Variants in NCKAP5 observed in about 807,000 individuals in gnomAD.
The protein encoded by NCKAP5 is nck-associated protein 5.
In NCKAP5, 92 loss-of-function variants were observed where a neutral mutation model predicts 167.0. The observed-to-expected ratio is 0.55, with a 90% confidence interval of 0.47 to 0.66. NCKAP5 has a LOEUF of 0.66. NCKAP5 is among the 30% of genes least tolerant of loss of function. The pLI, the probability that NCKAP5 is intolerant of heterozygous loss-of-function variation, is 0.00. For synonymous variants in NCKAP5, 891 were observed against 877.4 expected (o/e 1.02, Z -0.27); for missense variants, 2,378 against 2,315.0 (o/e 1.03, Z -0.56).
chr2:132,797,175 A>C (rs943309037), intron 11 of NCKAP5, among the ~76,000 whole-genome samples: 3 of 152,206 alleles, frequency 2.0e-5, no homozygotes, highest in African/African-American at 7.2e-5. Context: ...TCTAAACAGC[A>C]TTGATCTTGT....
In NCKAP5 at chr2:133,240,624, C is replaced by T. The variant is rs564630519; in HGVS notation, c.144-26845G>A. Among the ~76,000 whole-genome samples, 5 of 152,236 alleles carry T rather than the reference C, an allele frequency of 3.3e-5. No individual in the cohort carries two copies. The East Asian group carries it at 5.8e-4, about 18-fold the overall frequency. On this transcript the variant is annotated intron_variant, in intron 4 of 19. Transcript: ENST00000409261. The stretch of plus-strand genomic sequence containing the variant: ...TGAAATTTCAGCCTCCCATTGTGTA[C>T]GTATAACTTGGGTACTTCCACCACA...
chr2:133,293,014 C>T (rs1186594565), intron 4 of NCKAP5, among the ~76,000 whole-genome samples: 1 of 152,170 alleles, frequency 6.6e-6, no homozygotes, highest in Non-Finnish European at 1.5e-5. Context: ...TCCAATTCTG[C>T]TCCTAATCAA....
At chr2:133,455,419 C>A (rs1691787178) in intron 3 of NCKAP5, among the ~76,000 whole-genome samples, 1 of 152,014 alleles carries the variant, frequency 6.6e-6, no homozygotes, top group South Asian at 2.1e-4. Context: ...TTTATTATTA[C>A]TCTACCTTCG....
chr2:132,874,444 G>A (rs1691105552), intron 9 of NCKAP5, among the ~76,000 whole-genome samples: 1 of 152,114 alleles, frequency 6.6e-6, no homozygotes. Context: ...GGGCCCAGCT[G>A]TAGGATATGC....
chr2:132,741,512 T>C (rs1307387523), intron 16 of NCKAP5, among the ~76,000 whole-genome samples: 2 of 152,070 alleles, frequency 1.3e-5, no homozygotes, highest in African/African-American at 4.8e-5. Flanking sequence ...CTAGGTCCTG[T>C]TTTAAGAGTT....
intron 8 of NCKAP5, among the ~76,000 whole-genome samples, chr2:132,905,211 A>T (rs1693915498): frequency 6.6e-6 from 1 of 152,186 alleles, no homozygotes; most frequent in Non-Finnish European, 1.5e-5. Context: ...GAACATTTCC[A>T]GAATCAGTTT....
chr2:133,574,876 G>C, the NCKAP5 span, among the ~76,000 whole-genome samples: 2 of 152,264 alleles, frequency 1.3e-5, no homozygotes, highest in Admixed American at 1.3e-4. Context: ...AAAGTTGCCA[G>C]CTCAGGTGCA....
At chr2:133,024,413 A>C (rs892122563) in intron 6 of NCKAP5, among the ~76,000 whole-genome samples, 1 of 152,208 alleles carries the variant, frequency 6.6e-6, no homozygotes, top group Admixed American at 6.5e-5. Context: ...TGTAATACTC[A>C]TTATGCAATC....
chr2:133,523,541 T>C (rs1216905171), intron 2 of NCKAP5, among the ~76,000 whole-genome samples: 1 of 152,228 alleles, frequency 6.6e-6, no homozygotes, highest in Non-Finnish European at 1.5e-5. Context: ...TTTGAGTAGA[T>C]TCCTAACTTC....
chr2:132,716,431 G>T (rs1348543655), intron 19 of NCKAP5, among the ~76,000 whole-genome samples: 1 of 152,092 alleles, frequency 6.6e-6, no homozygotes, highest in Admixed American at 6.5e-5. Flanking sequence ...CAGCCCTGGC[G>T]GCCAAAGCCT....
chr2:133,430,147 T>G (rs191516861), intron 3 of NCKAP5, among the ~76,000 whole-genome samples: 133 of 152,248 alleles, frequency 8.7e-4, no homozygotes, highest in African/African-American at 3.1e-3. Context: ...TCATGTCCTT[T>G]GCTCTTCTTG....
At chr2:133,299,639 T>G (rs1680226865) in intron 4 of NCKAP5, among the ~76,000 whole-genome samples, 2 of 152,084 alleles carry the variant, frequency 1.3e-5, no homozygotes, top group South Asian at 4.1e-4. Context: ...TAATCCCAGC[T>G]ACACGGGAGG....
At chr2:132,732,740 A>T (rs1238414332) in intron 16 of NCKAP5, among the ~76,000 whole-genome samples, 1 of 152,210 alleles carries the variant, frequency 6.6e-6, no homozygotes, top group Non-Finnish European at 1.5e-5. Flanking sequence ...ACATAAATTG[A>T]AGTGACGTCC....
At chr2:132,806,861 G>C (rs1342228971) in intron 11 of NCKAP5, among the ~76,000 whole-genome samples, 1 of 152,096 alleles carries the variant, frequency 6.6e-6, no homozygotes, top group African/African-American at 2.4e-5. Context: ...ATGTCTAGAA[G>C]GGTTTTTCCA....
chr2:132,861,253 G>A (rs556700650), intron 10 of NCKAP5, among the ~76,000 whole-genome samples: 19 of 152,214 alleles, frequency 1.2e-4, no homozygotes, highest in African/African-American at 4.1e-4. Context: ...TCTGGCATCT[G>A]TTTGGAGCAG....
chr2:133,119,817 C>T (rs1464104104), intron 6 of NCKAP5, among the ~76,000 whole-genome samples: 1 of 151,610 alleles, frequency 6.6e-6, no homozygotes, highest in Non-Finnish European at 1.5e-5. Flanking sequence ...AAGCAAGTTA[C>T]CTCATTTTTT....
In NCKAP5 at chr2:132,731,883, G is replaced by A; in HGVS notation, c.5297C>T (p.Ala1766Val). The change falls in exon 17 of 20, where the codon GCC becomes GTC. Residue 1766 changes from alanine (A) to valine (V), a missense_variant. Ala to Val is a moderately conservative substitution (Grantham distance 64). Coordinates refer to ENST00000409261, the MANE Select transcript of NCKAP5 (RefSeq NM_207363.3). ...AGGCACTTCACGTTCAAGGGTTTGG[G>A]CTCTCATGGAAGAAACTGCAGAAAG... ...SALSAVSSMR[A>V]QTLEREVPSS... is the part of the protein sequence containing the mutation. 6.2e-7 allele frequency: 1 copy of A among 1,613,894 alleles called. No individual in the cohort carries two copies. Among genetic ancestry groups the A allele is most frequent in the Non-Finnish European group, 8.5e-7 (1 of 1,179,882 alleles).
intron 3 of NCKAP5, among the ~76,000 whole-genome samples, chr2:133,513,860 T>C (rs971781979): frequency 2.6e-5 from 4 of 152,194 alleles, no homozygotes; most frequent in Non-Finnish European, 4.4e-5. Flanking sequence ...AAAAAGAGAA[T>C]GTTTGTTACT....
Position 132,673,110 on chromosome 2 carries a change from G to A in NCKAP5, c.*179C>T, listed in dbSNP as rs1040655055. The A allele has an allele frequency of 5.9e-5, 76 of 1,296,114 alleles. No homozygotes were observed. Among genetic ancestry groups the A allele is most frequent in the Non-Finnish European group, 4.3e-5 (44 of 1,024,890 alleles). The allele number at this position is 1,296,114 out of a possible 1,614,324, so 80.3% of individuals were successfully genotyped here. A position where few individuals can be genotyped will look rare whatever the true frequency, so the allele number is the denominator to read the frequency against. On this transcript the variant is annotated 3_prime_UTR_variant, in exon 20 of 20. Coordinates refer to ENST00000409261, the MANE Select transcript of NCKAP5 (RefSeq NM_207363.3). The stretch of plus-strand genomic sequence containing the variant: ...AAAGATTCCAAGTTGTCTACCCCAG[G>A]CCTATCTGAACTACTCAAAGATGTC...
Sources: allele counts gnomAD v4.1 joint callset (sites outside exome capture counted in the v4.1 genomes callset), GRCh38; gene constraint gnomAD v4.1.1; transcripts MANE v1.5; gene names NCBI Gene and HGNC (gene_info 2026-07-23, HGNC 2026-07-21).